The following SLC10A7 variants were observed in gnomAD, a reference collection of about 807,000 sequenced individuals.
SLC10A7 encodes the protein solute carrier family 10 member 7.
SLC10A7 carries 29 observed loss-of-function variants against 43.2 expected under a neutral mutation model. The ratio of observed to expected loss-of-function variants is 0.67; its 90% CI spans 0.50 to 0.92. The LOEUF (loss-of-function observed/expected upper bound fraction) is 0.92, where lower values mean the gene tolerates loss of function less well. Ranked by LOEUF, SLC10A7 falls within the 40% of genes least tolerant of loss-of-function variation. The probability of loss-of-function intolerance (pLI) is 0.00; values close to 1 mark genes in which losing one functional copy is unlikely to be tolerated. For missense variants in SLC10A7, 295 were observed against 403.2 expected, an observed-to-expected ratio of 0.73 and a Z score of 2.30; for synonymous variants, 152 against 144.8, an observed-to-expected ratio of 1.05 and a Z score of -0.35.
At chr4:146,303,617 TG>T (rs1731314883) in intron 7 of SLC10A7, among the ~76,000 whole-genome samples, 2 of 152,234 alleles carry the variant, frequency 1.3e-5, no homozygotes, top group African/African-American at 4.8e-5. Flanking sequence ...TGACCTCAGG[TG>T]ATCCGCCCAT....
chr4:146,381,195 G>C (rs1424638012), intron 5 of SLC10A7, among the ~76,000 whole-genome samples: 1 of 152,152 alleles, frequency 6.6e-6, no homozygotes, highest in African/African-American at 2.4e-5. Flanking sequence ...GAGTAAATCT[G>C]ACTCTGGTTT....
At chr4:146,267,584 T>C (rs1728640817) in intron 10 of SLC10A7, among the ~76,000 whole-genome samples, 3 of 152,232 alleles carry the variant, frequency 2.0e-5, no homozygotes, top group Admixed American at 2.0e-4. Flanking sequence ...ATGTTTTACT[T>C]GCTTCCCTGT....
At chr4:146,451,239 A>AAAC (rs944654835) in intron 4 of SLC10A7, among the ~76,000 whole-genome samples, 2 of 146,474 alleles carry the variant, frequency 1.4e-5, no homozygotes, top group African/African-American at 2.7e-5. Flanking sequence ...ACCAAAAAAA[A>AAAC]AAAAAAAAAA....
chr4:146,438,833 G>C lies in SLC10A7; in HGVS notation c.435+3950C>G, dbSNP rs573160745. Among the ~76,000 whole-genome samples the C allele has an allele frequency of 2.6e-5, 4 of 152,084 alleles. No individual in the cohort carries two copies. The South Asian group carries it at 8.3e-4, about 31-fold the overall frequency. ...AATTAAAGAAAAAAAATTTCAATTAGAATTTTCCCAAAAGATGTCAGTATC... is the reference window on the plus strand; with the variant it reads ...AATTAAAGAAAAAAAATTTCAATTACAATTTTCCCAAAAGATGTCAGTATC... On this transcript the variant is annotated intron_variant, in intron 5 of 11. Coordinates refer to ENST00000335472, the MANE Select transcript of SLC10A7 (RefSeq NM_001029998.6).
intron 4 of SLC10A7, among the ~76,000 whole-genome samples, chr4:146,454,134 G>A (rs1731838742): frequency 6.6e-6 from 1 of 151,972 alleles, no homozygotes; most frequent in South Asian, 2.1e-4. Flanking sequence ...TCAGATTGTT[G>A]TTCTAGTTCT....
chr4:146,342,926 G>C (rs1449214206), intron 5 of SLC10A7, among the ~76,000 whole-genome samples: 4 of 151,672 alleles, frequency 2.6e-5, no homozygotes, highest in Admixed American at 2.6e-4. Context: ...AATAAGAAGA[G>C]TAATATAATG....
At position 146,370,789 on chromosome 4, in the gene SLC10A7, A is replaced by C. The variant is rs1305124918; in HGVS notation, c.436-44793T>G. On this transcript the variant is annotated intron_variant, in intron 5 of 11. Transcript: ENST00000335472. Reference sequence around the variant, plus strand: ...TACGTTTCCGAAATGTCTACTCCAAAAAGAGAAATCATAAGGCAAATAAAG... The same window carrying C: ...TACGTTTCCGAAATGTCTACTCCAACAAGAGAAATCATAAGGCAAATAAAG... Among the ~76,000 whole-genome samples, 10 of 152,288 alleles carry C rather than the reference A, an allele frequency of 6.6e-5. No homozygotes were observed. In the East Asian group the frequency reaches 1.5e-3, roughly 24 times the overall value.
intron 6 of SLC10A7, among the ~76,000 whole-genome samples, chr4:146,319,828 G>A (rs956442612): frequency 1.5e-4 from 23 of 151,918 alleles, no homozygotes; most frequent in African/African-American, 4.8e-4. Context: ...AAATATAGGA[G>A]AAAAAGGAAT....
chr4:146,268,596 A>T (rs1250185791), intron 10 of SLC10A7, among the ~76,000 whole-genome samples: 2 of 152,316 alleles, frequency 1.3e-5, no homozygotes, highest in East Asian at 1.9e-4. Context: ...AGCGTTTACT[A>T]TATGCCAGGC....
At chr4:146,272,763 T>A (rs1335776281) in intron 10 of SLC10A7, among the ~76,000 whole-genome samples, 1 of 151,948 alleles carries the variant, frequency 6.6e-6, no homozygotes, top group African/African-American at 2.4e-5. Context: ...AGTAAATGAG[T>A]GTTGTTTTGT....
At chr4:146,308,252 G>A (rs1216244541) in intron 6 of SLC10A7, among the ~76,000 whole-genome samples, 1 of 152,136 alleles carries the variant, frequency 6.6e-6, no homozygotes, top group Non-Finnish European at 1.5e-5. Context: ...GGCTCCCTTA[G>A]AAGTGGCTCT....
At position 146,508,873 on chromosome 4, in the gene SLC10A7, C is replaced by A. The variant is rs77935628; in HGVS notation, c.320+1040G>T. Among the ~76,000 whole-genome samples the A allele has an allele frequency of 8.9e-4, 136 of 152,308 alleles. 2 individuals carry two copies. In the South Asian group the frequency reaches 0.014, roughly 16 times the overall value. ...CTCAGAATAAAATCTGAATGCTGTA[C>A]CACGGCCTATAAGGCTCTACATACC... On this transcript the variant is annotated intron_variant, in intron 3 of 11. Transcript: ENST00000335472.
At chr4:146,433,366 A>G (rs1329005002) in intron 5 of SLC10A7, among the ~76,000 whole-genome samples, 1 of 151,850 alleles carries the variant, frequency 6.6e-6, no homozygotes, top group Non-Finnish European at 1.5e-5. Context: ...AACCATCTCA[A>G]TAAGAAACAT....
intron 5 of SLC10A7, among the ~76,000 whole-genome samples, chr4:146,345,306 T>G (rs1406240436): frequency 6.6e-6 from 1 of 152,136 alleles, no homozygotes; most frequent in Non-Finnish European, 1.5e-5. Flanking sequence ...TTTCTCTACC[T>G]TCTCTTACCT....
intron 5 of SLC10A7, among the ~76,000 whole-genome samples, chr4:146,400,518 G>A (rs768369742): frequency 2.0e-5 from 3 of 152,066 alleles, no homozygotes; most frequent in Non-Finnish European, 2.9e-5. Flanking sequence ...GCAGGATCTC[G>A]AATTACTTAC....
At chr4:146,349,598 T>A (rs1734873714) in intron 5 of SLC10A7, among the ~76,000 whole-genome samples, 1 of 152,178 alleles carries the variant, frequency 6.6e-6, no homozygotes, top group African/African-American at 2.4e-5. Flanking sequence ...AGTAAAGACA[T>A]GGAATCAATC....
chr4:146,276,887 G>C (rs771921296), intron 10 of SLC10A7, among the ~76,000 whole-genome samples: 10 of 152,064 alleles, frequency 6.6e-5, no homozygotes, highest in Non-Finnish European at 1.5e-4. Context: ...CCAGGAGTTG[G>C]AGGCTGCAGT....
intron 1 of SLC10A7, among the ~76,000 whole-genome samples, chr4:146,520,692 T>C (rs1447705598): frequency 6.6e-6 from 1 of 152,212 alleles, no homozygotes; most frequent in Non-Finnish European, 1.5e-5. Flanking sequence ...TGTTCACCTC[T>C]ATCCTTATTT....
At chr4:146,503,368 C>T (rs772118716) in intron 4 of SLC10A7, among the ~76,000 whole-genome samples, 18 of 152,140 alleles carry the variant, frequency 1.2e-4, no homozygotes, top group Non-Finnish European at 2.4e-4. Flanking sequence ...GCCATAGTCC[C>T]CTAGCAGTTG....
Sources: gnomAD v4.1 joint callset for allele counts (sites outside exome capture counted in the v4.1 genomes callset) on GRCh38, gnomAD v4.1.1 for gene constraint, MANE v1.5 for transcripts, NCBI Gene and HGNC (gene_info 2026-07-23, HGNC 2026-07-21) for gene names.